Variants in TTC28 observed in about 807,000 individuals in gnomAD.
The protein encoded by TTC28 is tetratricopeptide repeat protein 28.
A neutral mutation model predicts 198.0 loss-of-function variants in TTC28; 61 were observed. That is an observed-to-expected ratio of 0.31 (90% CI 0.25 to 0.38). The LOEUF (loss-of-function observed/expected upper bound fraction) is 0.38. TTC28 is among the 10% of genes least tolerant of loss of function. The pLI, the probability that TTC28 is intolerant of heterozygous loss-of-function variation, is 1.00. For missense variants in TTC28, 2,678 were observed against 3,164.0 expected (o/e 0.85, Z 3.69); for synonymous variants, 1,171 against 1,297.8 (o/e 0.90, Z 2.10).
chr22:28,649,782 A>G (rs1438877196), intron 1 of TTC28, among the ~76,000 whole-genome samples: 1 of 152,232 alleles, frequency 6.6e-6, no homozygotes, highest in Admixed American at 6.5e-5. Flanking sequence ...AATTATTAAA[A>G]TTTCAAATTC....
At chr22:28,174,251 T>C (rs1178113067) in intron 5 of TTC28, among the ~76,000 whole-genome samples, 1 of 152,214 alleles carries the variant, frequency 6.6e-6, no homozygotes, top group Admixed American at 6.5e-5. Flanking sequence ...AGAGCCTTCA[T>C]GAGTACTAAA....
intron 2 of TTC28, among the ~76,000 whole-genome samples, chr22:28,326,975 AACACACAC>A (rs57349023): frequency 0.16 from 22,810 of 142,856 alleles, 2,098 homozygotes; most frequent in Non-Finnish European, 0.21. Context: ...CACAAACACA[AACACACAC>A]ACACACACAC....
At chr22:28,556,186 C>G (rs1413760850) in intron 2 of TTC28, among the ~76,000 whole-genome samples, 2 of 152,032 alleles carry the variant, frequency 1.3e-5, no homozygotes, top group Admixed American at 1.3e-4. Flanking sequence ...TAGTAAAACC[C>G]CGTCTCTACT....
intron 2 of TTC28, among the ~76,000 whole-genome samples, chr22:28,440,340 C>G (rs1488068236): frequency 6.6e-6 from 1 of 152,048 alleles, no homozygotes; most frequent in Non-Finnish European, 1.5e-5. Flanking sequence ...AGGTTGCAAA[C>G]CCTAACTGAA....
intron 1 of TTC28, among the ~76,000 whole-genome samples, chr22:28,658,067 G>A (rs1028527734): frequency 1.3e-5 from 2 of 152,046 alleles, no homozygotes; most frequent in Non-Finnish European, 2.9e-5. Flanking sequence ...CATTTCTAGT[G>A]TCATGATTAA....
intron 22 of TTC28, among the ~76,000 whole-genome samples, chr22:27,984,988 G>A (rs950192591): frequency 1.3e-5 from 2 of 152,120 alleles, no homozygotes; most frequent in Non-Finnish European, 2.9e-5. Context: ...CCGCGTTCCC[G>A]TCTGCTCTGC....
intron 5 of TTC28, chr22:28,232,671 C>T (rs1448871886): frequency 6.6e-6 from 1 of 152,222 alleles, no homozygotes; most frequent in Non-Finnish European, 1.5e-5. Flanking sequence ...GAATCCTGTA[C>T]ATGGCTCAAG....
At chr22:28,051,264 G>A (rs948546976) in intron 12 of TTC28, among the ~76,000 whole-genome samples, 1 of 152,186 alleles carries the variant, frequency 6.6e-6, no homozygotes, top group Admixed American at 6.5e-5. Context: ...GAAAGCCTTT[G>A]CAATCCCCCA....
At chr22:28,413,663 C>A (rs759175711) in intron 2 of TTC28, among the ~76,000 whole-genome samples, 1 of 151,956 alleles carries the variant, frequency 6.6e-6, no homozygotes, top group African/African-American at 2.4e-5. Flanking sequence ...AAATGCCTTA[C>A]ATTTAAAAAC....
intron 2 of TTC28, among the ~76,000 whole-genome samples, chr22:28,610,446 C>T (rs1391189081): frequency 6.6e-6 from 1 of 152,166 alleles, no homozygotes; most frequent in Non-Finnish European, 1.5e-5. Context: ...CTCAGGCAAA[C>T]AGGGTCTAAA....
chr22:28,408,777 G>A (rs1326864039), intron 2 of TTC28, among the ~76,000 whole-genome samples: 1 of 152,208 alleles, frequency 6.6e-6, no homozygotes, highest in East Asian at 1.9e-4. Flanking sequence ...GTGTTGGAAA[G>A]TAACCTGCAA....
At chr22:28,493,343 G>A (rs1013665959) in intron 2 of TTC28, among the ~76,000 whole-genome samples, 3 of 152,020 alleles carry the variant, frequency 2.0e-5, no homozygotes, top group Non-Finnish European at 2.9e-5. Context: ...GCGACAGAGC[G>A]AGACTGAGTC....
intron 2 of TTC28, among the ~76,000 whole-genome samples, chr22:28,607,329 G>T (rs959369598): frequency 1.3e-5 from 2 of 152,168 alleles, no homozygotes; most frequent in Non-Finnish European, 2.9e-5. Flanking sequence ...GGCCGTACTT[G>T]AGAACTTGGA....
intron 6 of TTC28, among the ~76,000 whole-genome samples, chr22:28,132,646 A>C (rs909204479): frequency 2.6e-5 from 4 of 152,206 alleles, no homozygotes; most frequent in African/African-American, 9.6e-5. Flanking sequence ...TGACAATATC[A>C]GGAAGTACCC....
chr22:28,404,358 T>A (rs533130962), intron 2 of TTC28, among the ~76,000 whole-genome samples: 5 of 152,258 alleles, frequency 3.3e-5, no homozygotes, highest in African/African-American at 1.2e-4. Flanking sequence ...GACCTCATGA[T>A]CCGCCCGCCT....
At chr22:28,441,153 T>C (rs771675971) in intron 2 of TTC28, among the ~76,000 whole-genome samples, 2 of 152,160 alleles carry the variant, frequency 1.3e-5, no homozygotes, top group Admixed American at 6.5e-5. Flanking sequence ...CCAAGAATAA[T>C]ACTTCCGTGG....
intron 2 of TTC28, among the ~76,000 whole-genome samples, chr22:28,525,014 T>C (rs890925152): frequency 1.3e-5 from 2 of 152,192 alleles, no homozygotes; most frequent in African/African-American, 4.8e-5. Flanking sequence ...AGACTTATTA[T>C]TGATAGAAAA....
chr22:28,463,383 T>C (rs1216670903), intron 2 of TTC28, among the ~76,000 whole-genome samples: 1 of 152,136 alleles, frequency 6.6e-6, no homozygotes. Context: ...GAGCTAGAAA[T>C]ACCATTTGAC....
At chr22:28,583,777 C>G (rs776607474) in intron 2 of TTC28, among the ~76,000 whole-genome samples, 11 of 152,034 alleles carry the variant, frequency 7.2e-5, no homozygotes, top group Non-Finnish European at 1.0e-4. Flanking sequence ...CTGGAGATGA[C>G]TATTTACAGA....
Sources: allele counts gnomAD v4.1 joint callset (sites outside exome capture counted in the v4.1 genomes callset), GRCh38; gene constraint gnomAD v4.1.1; transcripts MANE v1.5; gene names NCBI Gene and HGNC (gene_info 2026-07-23, HGNC 2026-07-21).